ADGRL2: variants seen among roughly 807,000 people sequenced by gnomAD.
The protein encoded by ADGRL2 is calcium-independent alpha-latrotoxin receptor 2.
Under a neutral mutation model 157.4 loss-of-function variants are expected in ADGRL2, and 44 were observed. The observed-to-expected ratio is 0.28, with a 90% CI of 0.22 to 0.36. The LOEUF (loss-of-function observed/expected upper bound fraction) is 0.36. Among genes scored for constraint, ADGRL2 ranks in the 10% least tolerant of loss-of-function variants. The pLI, the probability that ADGRL2 is intolerant of heterozygous loss-of-function variation, is 1.00. For synonymous variants in ADGRL2, 585 were observed against 624.7 expected (o/e 0.94, Z 0.95); for missense variants, 1,510 against 1,768.9 (o/e 0.85, Z 2.63).
intron 1 of ADGRL2, among the ~76,000 whole-genome samples, chr1:81,422,233 G>A (rs528463286): frequency 6.6e-6 from 1 of 151,864 alleles, no homozygotes; most frequent in Non-Finnish European, 1.5e-5. Context: ...GTATAAAGAT[G>A]CATTTTATCA....
At chr1:81,630,625 A>G (rs1419990813) in intron 3 of ADGRL2, among the ~76,000 whole-genome samples, 2 of 152,200 alleles carry the variant, frequency 1.3e-5, no homozygotes, top group Non-Finnish European at 2.9e-5. Context: ...TCCACAATGA[A>G]ACCAGCACAT....
chr1:81,524,075 A>T (rs1020183654), intron 2 of ADGRL2, among the ~76,000 whole-genome samples: 11 of 151,474 alleles, frequency 7.3e-5, no homozygotes, highest in Non-Finnish European at 1.5e-5. Context: ...AAAATAAAAA[A>T]ATGGGCCAGG....
At chr1:81,786,051 C>T (rs1347959303) in intron 2 of ADGRL2, among the ~76,000 whole-genome samples, 1 of 152,024 alleles carries the variant, frequency 6.6e-6, no homozygotes, top group African/African-American at 2.4e-5. Context: ...CTGCAGTGAG[C>T]CATGATAGCC....
chr1:81,802,371 C>A (rs1489894005), intron 1 of ADGRL2, among the ~76,000 whole-genome samples: 1 of 151,944 alleles, frequency 6.6e-6, no homozygotes, highest in East Asian at 1.9e-4. Context: ...TTCGGCTGGC[C>A]CAGGGGGAGA....
chr1:81,319,209 A>G (rs545100245), intron 1 of ADGRL2, among the ~76,000 whole-genome samples: 22 of 151,774 alleles, frequency 1.4e-4, no homozygotes, highest in South Asian at 4.2e-4. Flanking sequence ...GGCCTCCCAA[A>G]GTGCTGGGAT....
At chr1:81,358,160 A>C (rs1294112700) in intron 1 of ADGRL2, among the ~76,000 whole-genome samples, 2 of 152,242 alleles carry the variant, frequency 1.3e-5, no homozygotes, top group East Asian at 3.8e-4. Context: ...TAAAAATCAC[A>C]AAAGCTAATT....
At chr1:81,918,713 G>A (rs2094914421) in intron 3 of ADGRL2, among the ~76,000 whole-genome samples, 1 of 152,034 alleles carries the variant, frequency 6.6e-6, no homozygotes, top group Admixed American at 6.6e-5. Flanking sequence ...CACAGGAAAA[G>A]CAACATTATA....
At chr1:81,809,318 G>A (rs1349308401) in intron 1 of ADGRL2, among the ~76,000 whole-genome samples, 3 of 151,844 alleles carry the variant, frequency 2.0e-5, no homozygotes, top group African/African-American at 7.3e-5. Flanking sequence ...GTTAAAAATT[G>A]GGTAGGTTAG....
intron 2 of ADGRL2, among the ~76,000 whole-genome samples, chr1:81,567,590 A>C (rs1187464376): frequency 6.6e-6 from 1 of 152,146 alleles, no homozygotes; most frequent in African/African-American, 2.4e-5. Context: ...TGAAAGTTAC[A>C]AGAAAATTAG....
At chr1:81,543,386 C>T (rs922165707) in intron 2 of ADGRL2, among the ~76,000 whole-genome samples, 1 of 152,160 alleles carries the variant, frequency 6.6e-6, no homozygotes, top group African/African-American at 2.4e-5. Flanking sequence ...CAGGCCCTTG[C>T]CAGACACCAG....
chr1:81,918,048 G>T (rs1345528373), intron 3 of ADGRL2, among the ~76,000 whole-genome samples: 1 of 152,138 alleles, frequency 6.6e-6, no homozygotes, highest in Admixed American at 6.6e-5. Flanking sequence ...ATTTATGGTG[G>T]CTTAGGAATA....
chr1:81,925,246 C>A (rs2095077066), intron 3 of ADGRL2, among the ~76,000 whole-genome samples: 1 of 152,014 alleles, frequency 6.6e-6, no homozygotes, highest in African/African-American at 2.4e-5. Flanking sequence ...CTATGTATTT[C>A]CCTTGCCCTC....
At chr1:81,591,700 G>A (rs2081136679) in intron 3 of ADGRL2, among the ~76,000 whole-genome samples, 2 of 152,116 alleles carry the variant, frequency 1.3e-5, no homozygotes, top group African/African-American at 4.8e-5. Flanking sequence ...ACATAAGATT[G>A]TCACTTCCTT....
At chr1:81,370,126 G>C (rs1043355801) in intron 1 of ADGRL2, among the ~76,000 whole-genome samples, 1 of 152,028 alleles carries the variant, frequency 6.6e-6, no homozygotes, top group African/African-American at 2.4e-5. Flanking sequence ...ACAATTTGGA[G>C]GGGAACTGCC....
chr1:81,867,219 A>C (rs554488426), intron 2 of ADGRL2, among the ~76,000 whole-genome samples: 1 of 152,306 alleles, frequency 6.6e-6, no homozygotes, highest in South Asian at 2.1e-4. Flanking sequence ...GATTACTAAA[A>C]TCTTAATGTT....
intron 2 of ADGRL2, among the ~76,000 whole-genome samples, chr1:81,888,004 G>A (rs1245557482): frequency 6.6e-6 from 1 of 152,088 alleles, no homozygotes; most frequent in Non-Finnish European, 1.5e-5. Flanking sequence ...ACAGTCAAGC[G>A]GCCTTCTATG....
At chr1:81,772,338 A>G (rs1321220363) in intron 2 of ADGRL2, among the ~76,000 whole-genome samples, 2 of 152,184 alleles carry the variant, frequency 1.3e-5, no homozygotes, top group East Asian at 3.8e-4. Context: ...TTAGAAATTA[A>G]TAATACAGAA....
intron 3 of ADGRL2, among the ~76,000 whole-genome samples, chr1:81,615,900 T>A (rs922318997): frequency 6.6e-6 from 1 of 152,178 alleles, no homozygotes; most frequent in Admixed American, 6.5e-5. Context: ...CAAAATGGCA[T>A]CTCAGAGGGT....
intron 3 of ADGRL2, among the ~76,000 whole-genome samples, chr1:81,624,309 G>A (rs182354172): frequency 5.9e-5 from 9 of 152,156 alleles, no homozygotes; most frequent in South Asian, 2.1e-4. Flanking sequence ...GGCCGGGTGC[G>A]GTGGCTCACG....
Sources: allele counts gnomAD v4.1 joint callset (sites outside exome capture counted in the v4.1 genomes callset), GRCh38; gene constraint gnomAD v4.1.1; transcripts MANE v1.5; gene names NCBI Gene and HGNC (gene_info 2026-07-23, HGNC 2026-07-21).